WIPF1: variants seen among roughly 807,000 people sequenced by gnomAD.
WIPF1 encodes WAS/WASL interacting protein family member 1, also known as WAS/WASL-interacting protein family member 1.
A neutral mutation model predicts 35.4 loss-of-function variants in WIPF1; 13 were observed. That is an observed-to-expected ratio of 0.37 (90% CI 0.24 to 0.58). The LOEUF (loss-of-function observed/expected upper bound fraction) is 0.58, where lower values mean the gene tolerates loss of function less well. WIPF1 is among the 20% of genes least tolerant of loss of function. The pLI is 0.74. For synonymous variants in WIPF1, 267 were observed against 266.3 expected, an observed-to-expected ratio of 1.00 and a Z score of -0.02; for missense variants, 591 against 667.0, an observed-to-expected ratio of 0.89 and a Z score of 1.25.
chr2:174,592,328 T>G (rs778985633), intron 1 of WIPF1, among the ~76,000 whole-genome samples: 6 of 152,208 alleles, frequency 3.9e-5, no homozygotes, highest in Non-Finnish European at 5.9e-5. Flanking sequence ...AAGAAGCAGC[T>G]TTATCCAATT....
chr2:174,591,767 C>T (rs2105857693), intron 1 of WIPF1, among the ~76,000 whole-genome samples: 1 of 151,982 alleles, frequency 6.6e-6, no homozygotes, highest in East Asian at 1.9e-4. Flanking sequence ...TGGCTGGCAT[C>T]GTTTGTCTTA....
In WIPF1 at chr2:174,675,138, A is replaced by G. The variant is rs528059233; in HGVS notation, c.-39+7636T>C. Among the ~76,000 whole-genome samples the G allele has an allele frequency of 2.0e-5, 3 of 152,266 alleles. No individual in the cohort carries two copies. In the South Asian group the frequency reaches 6.2e-4, roughly 32 times the overall value. ...AGTAATATAATTCTATTTTTAGGAG[A>G]AAAAACTATATATGTGCATATATAC... On this transcript the variant is annotated intron_variant, in intron 1 of 8. Transcript: ENST00000272746.
chr2:174,567,774 T>C (rs1233951851), intron 6 of WIPF1, 87 bp downstream of exon 6: 8 of 1,411,608 alleles, frequency 5.7e-6, no homozygotes, highest in South Asian at 2.8e-5. Flanking sequence ...AACAAGAAAT[T>C]AAACGCAAAC....
At chr2:174,632,830 C>G (rs755077896) in intron 1 of WIPF1, among the ~76,000 whole-genome samples, 8 of 151,060 alleles carry the variant, frequency 5.3e-5, no homozygotes, top group Non-Finnish European at 8.9e-5. Context: ...TATAAAACTT[C>G]TGAAACAGCA....
chr2:174,580,042 C>T (rs1685185436), intron 3 of WIPF1, among the ~76,000 whole-genome samples: 1 of 152,096 alleles, frequency 6.6e-6, no homozygotes, highest in Non-Finnish European at 1.5e-5. Flanking sequence ...CTTCCACCTC[C>T]TTGGTTCAAG....
intron 1 of WIPF1, among the ~76,000 whole-genome samples, chr2:174,624,043 T>A (rs929884658): frequency 1.3e-5 from 2 of 151,632 alleles, no homozygotes; most frequent in African/African-American, 4.8e-5. Flanking sequence ...AAAAAAAACA[T>A]GTGGTACTGC....
rs1365926084 is a variant in WIPF1, at chr2:174,620,557, A to AT, written c.-38-34947dup. Reference sequence around the variant, plus strand: ...AGATCTCTGCTAAAATCTACAAATAATTTTTTTCCTAGGACCATTAAAATA... The same window carrying AT: ...AGATCTCTGCTAAAATCTACAAATAATTTTTTTTCCTAGGACCATTAAAATA... On this transcript the variant is annotated intron_variant, in intron 1 of 8. Coordinates refer to the WIPF1 transcript ENST00000272746. Among the ~76,000 whole-genome samples, 10 of 152,254 alleles carry AT rather than the reference A, an allele frequency of 6.6e-5. No individual in the cohort carries two copies. In the East Asian group the frequency reaches 1.9e-3, roughly 29 times the overall value.
intron 4 of WIPF1, among the ~76,000 whole-genome samples, chr2:174,573,354 A>G (rs560104520): frequency 5.9e-5 from 9 of 152,300 alleles, no homozygotes; most frequent in Admixed American, 4.6e-4. Context: ...CCTGCCATTA[A>G]TCTAGAGACT....
intron 2 of WIPF1, 88 bp downstream of exon 2, chr2:174,585,435 C>T: frequency 7.4e-7 from 1 of 1,354,506 alleles, no homozygotes; most frequent in South Asian, 1.2e-5. Flanking sequence ...AGAATGCAAA[C>T]ACATTTAATA....
intron 1 of WIPF1, among the ~76,000 whole-genome samples, chr2:174,620,680 G>A (rs1686646046): frequency 6.6e-6 from 1 of 152,196 alleles, no homozygotes; most frequent in African/African-American, 2.4e-5. Flanking sequence ...AGGGGGCAGA[G>A]TACCAAGGTA....
intron 7 of WIPF1, among the ~76,000 whole-genome samples, chr2:174,564,843 A>ACACACG (rs1380413800): frequency 1.3e-5 from 2 of 150,974 alleles, no homozygotes; most frequent in East Asian, 3.9e-4. Flanking sequence ...ACACACACAC[A>ACACACG]CACACACACC....
chr2:174,594,741 C>T (rs72914537), intron 1 of WIPF1, among the ~76,000 whole-genome samples: 2,307 of 98,648 alleles, frequency 0.023, 542 homozygotes, highest in Non-Finnish European at 0.038. Flanking sequence ...TATATGTCAG[C>T]ACACTTGATA....
intron 7 of WIPF1, among the ~76,000 whole-genome samples, chr2:174,562,893 G>T (rs1257558402): frequency 6.6e-6 from 1 of 152,128 alleles, no homozygotes; most frequent in Non-Finnish European, 1.5e-5. Context: ...AGAAAATATG[G>T]ATGAGTAAAA....
chr2:174,618,624 A>T (rs1385442728), intron 1 of WIPF1, among the ~76,000 whole-genome samples: 1 of 152,178 alleles, frequency 6.6e-6, no homozygotes, highest in Non-Finnish European at 1.5e-5. Flanking sequence ...AGTATTATCA[A>T]CTCATTCAAT....
chr2:174,620,399 A>G (rs1686638909), intron 1 of WIPF1, among the ~76,000 whole-genome samples: 1 of 152,242 alleles, frequency 6.6e-6, no homozygotes, highest in Non-Finnish European at 1.5e-5. Flanking sequence ...AAGGAAAAAA[A>G]CTGCACAAGA....
chr2:174,642,725 C>T (rs926670821), intron 1 of WIPF1, among the ~76,000 whole-genome samples: 1 of 148,792 alleles, frequency 6.7e-6, no homozygotes, highest in Non-Finnish European at 1.5e-5. Context: ...TCATAGCTTG[C>T]GGAAACCTTG....
intron 1 of WIPF1, among the ~76,000 whole-genome samples, chr2:174,596,051 C>G (rs1685813334): frequency 6.6e-6 from 1 of 152,154 alleles, no homozygotes; most frequent in South Asian, 2.1e-4. Flanking sequence ...GGCTGGGGAA[C>G]TTCCAGCCTA....
chr2:174,657,645 C>T (rs1263840009), intron 1 of WIPF1, among the ~76,000 whole-genome samples: 2 of 152,100 alleles, frequency 1.3e-5, no homozygotes, highest in Non-Finnish European at 2.9e-5. Context: ...GTAATCCTGG[C>T]ACTTTGGGAG....
At chr2:174,582,589 T>G (rs1407781192) in intron 2 of WIPF1, among the ~76,000 whole-genome samples, 1 of 152,226 alleles carries the variant, frequency 6.6e-6, no homozygotes, top group Admixed American at 6.5e-5. Context: ...TTATGTTGCC[T>G]AGGCTGGAGT....
Sources: allele counts gnomAD v4.1 joint callset (sites outside exome capture counted in the v4.1 genomes callset), GRCh38; gene constraint gnomAD v4.1.1; transcripts MANE v1.5; gene names NCBI Gene and HGNC (gene_info 2026-07-23, HGNC 2026-07-21).